The following LRP4 variants were observed in gnomAD, a reference collection of about 807,000 sequenced individuals.
LRP4 encodes the protein LDL receptor related protein 4.
In LRP4, 95 loss-of-function variants were observed where a neutral mutation model predicts 220.3. The observed-to-expected ratio is 0.43, with a 90% CI of 0.37 to 0.51. The LOEUF (loss-of-function observed/expected upper bound fraction) is 0.51. Ranked by LOEUF, LRP4 falls within the 20% of genes least tolerant of loss-of-function variation. The pLI, the probability that LRP4 is intolerant of heterozygous loss-of-function variation, is 0.00. For synonymous variants in LRP4, 903 were observed against 954.6 expected (o/e 0.95, Z 1.00); for missense variants, 1,925 against 2,567.0 (o/e 0.75, Z 5.40).
intron 7 of LRP4, among the ~76,000 whole-genome samples, 158 bp from the exon 8 acceptor site, chr11:46,897,152 T>A (rs1044789519): frequency 1.3e-5 from 2 of 152,174 alleles, no homozygotes; most frequent in African/African-American, 4.8e-5. Flanking sequence ...GAAAAAAGTA[T>A]CCTTTCCTCA....
chr11:46,908,655 T>C (rs1474606871), intron 1 of LRP4, among the ~76,000 whole-genome samples: 2 of 152,266 alleles, frequency 1.3e-5, no homozygotes, highest in African/African-American at 4.8e-5. Flanking sequence ...AAATATGCAG[T>C]GAGTTTATGG....
At chr11:46,881,597 T>C (rs2134814938) in intron 20 of LRP4, 105 bp downstream of exon 20, 2 of 1,091,394 alleles carry the variant, frequency 1.8e-6, no homozygotes, top group East Asian at 2.4e-5. Flanking sequence ...CAGATCCCCT[T>C]ATCTCCAATC....
At chr11:46,889,813 C>T in intron 15 of LRP4, 131 bp downstream of exon 15, 1 of 1,046,254 alleles carries the variant, frequency 9.6e-7, no homozygotes. Flanking sequence ...GGAATTAGCC[C>T]ATGTCAGTGC....
rs781229816 is a variant in LRP4 at position 46,881,798 on chromosome 11, A to G, written c.2718T>C (p.Asn906=). 1 of 1,614,042 alleles carries G rather than the reference A, an allele frequency of 6.2e-7. No homozygotes were observed. The highest frequency in any genetic ancestry group is 2.2e-5 in the East Asian group (1 of 44,838). ...GGGACCCATAATCAATAGCTAACCC[A>G]TTAGGCCAGGTCAGATTAGAAGAGA... ...VIISSNLTWP[N]GLAIDYGSQR... Residue 906 remains asparagine, a synonymous_variant, in exon 20 of 38, where the codon AAT becomes AAC. Coordinates refer to ENST00000378623, the MANE Select transcript of LRP4 (RefSeq NM_002334.4).
intron 36 of LRP4, among the ~76,000 whole-genome samples, chr11:46,863,620 A>G (rs907404884): frequency 6.7e-6 from 1 of 148,812 alleles, no homozygotes; most frequent in African/African-American, 2.5e-5. Context: ...TTAGCTGGGC[A>G]TGGTGGTGCA....
rs111918430 is a variant in LRP4, at chr11:46,898,257, G to C, written c.796+301C>G. 0.052 allele frequency among the ~76,000 whole-genome samples: 7,865 copies of C among 152,282 alleles called. 679 individuals are homozygous for C. The highest frequency in any genetic ancestry group is 0.18 in the African/African-American group (7,428 of 41,544). ...CTCTGCTACAGGGACGCCGTCTCGG[G>C]TCACTGCAACCTCTGCCTCCTAGGT... On this transcript the variant is annotated intron_variant, in intron 7 of 37. Transcript: ENST00000378623.
rs2306028 is a variant in LRP4, at chr11:46,879,108, G to C, written c.3004+18C>G. The stretch of plus-strand genomic sequence containing the variant: ...AGGAGGGCCACGGAGAAGCCAATGC[G>C]AGCCAAGGGCTGCTCACCTGGGGGC... On this transcript the variant is annotated intron_variant, in intron 21 of 37. Transcript: ENST00000378623. 2 of 1,614,124 alleles carry C rather than the reference G, an allele frequency of 1.2e-6. No homozygotes were observed. The highest frequency in any genetic ancestry group is 4.5e-5 in the East Asian group (2 of 44,886).
intron 25 of LRP4, 87 bp from the exon 26 acceptor site, chr11:46,876,053 C>T: frequency 6.9e-7 from 1 of 1,448,696 alleles, no homozygotes; most frequent in Non-Finnish European, 9.6e-7. Context: ...GTCAGATACA[C>T]TTGAGTACTT....
chr11:46,906,227 G>A (rs568593906), intron 1 of LRP4, among the ~76,000 whole-genome samples: 6 of 152,270 alleles, frequency 3.9e-5, no homozygotes, highest in Middle Eastern at 6.8e-3. Context: ...AGGCTGAGGC[G>A]GGCAGATCAC....
Position 46,895,203 on chromosome 11 carries a change from A to G in LRP4, c.1272T>C (p.Tyr424=). Residue 424 remains tyrosine (Y), a synonymous_variant, in exon 11 of 38, where the codon TAT becomes TAC. Coordinates refer to ENST00000378623, the MANE Select transcript of LRP4 (RefSeq NM_002334.4). ...GAFQCWCETG[Y]ELRPDRRSCK... ...AGCTGCGCCGGTCGGGCCGTAGTTC[A>G]TAGCCTGTTTCACACCAGCATTGGA... 4 of 1,614,102 alleles carry G rather than the reference A, an allele frequency of 2.5e-6. No homozygotes were observed. Among genetic ancestry groups the G allele is most frequent in the Admixed American group, 1.7e-5 (1 of 60,020 alleles).
Position 46,869,057 on chromosome 11 carries a change from T to C in LRP4, c.4768A>G (p.Lys1590Glu). 1 of 1,614,180 alleles carries C rather than the reference T, an allele frequency of 6.2e-7. No individual in the cohort carries two copies. Among genetic ancestry groups the C allele is most frequent in the Non-Finnish European group, 8.5e-7 (1 of 1,180,040 alleles). ...QRVDKYSGRN[K>E]ETVLANVEGL... ...TCCACATTTGCCAGCACTGTCTCCTTGTTCCGGCCTGAGTATTTGTCAACA... is the reference window on the plus strand; with the variant it reads ...TCCACATTTGCCAGCACTGTCTCCTCGTTCCGGCCTGAGTATTTGTCAACA... The change falls in exon 32 of 38, where the codon AAG becomes GAG. Residue 1590 changes from lysine (K) to glutamate (E), a missense_variant. Around this residue, in one of 3 missense-constraint regions of LRP4, gnomAD observed 1,244 missense variants for 1,624.9 expected, o/e 0.77. Transcript: ENST00000378623.
chr11:46,872,163 C>T (rs946024671), intron 30 of LRP4, among the ~76,000 whole-genome samples: 1 of 151,986 alleles, frequency 6.6e-6, no homozygotes, highest in Non-Finnish European at 1.5e-5. Flanking sequence ...GGCTGCGGCA[C>T]GAGAATGGCT....
At position 46,890,216 on chromosome 11, in the gene LRP4, T is replaced by G. The variant is rs1479334072; in HGVS notation, c.1915+61A>C. Reference sequence around the variant, plus strand: ...TACACAAAACCTCTACCAAGGCTCCTGGGGGGCAGGGACGGGGGCAGGAGG... The same window carrying G: ...TACACAAAACCTCTACCAAGGCTCCGGGGGGGCAGGGACGGGGGCAGGAGG... On this transcript the variant is annotated intron_variant, in intron 14 of 37. Coordinates refer to ENST00000378623, the MANE Select transcript of LRP4 (RefSeq NM_002334.4). The surrounding 1 kb of genome is among the most constrained non-coding windows in gnomAD (Gnocchi z 5.3). 1 of 1,606,726 alleles carries G rather than the reference T, an allele frequency of 6.2e-7. No homozygotes were observed. The highest frequency in any genetic ancestry group is 8.5e-7 in the Non-Finnish European group (1 of 1,173,850).
chr11:46,911,806 C>G (rs1941863392), intron 1 of LRP4, among the ~76,000 whole-genome samples: 1 of 149,526 alleles, frequency 6.7e-6, no homozygotes, highest in African/African-American at 2.5e-5. Context: ...GGAAACTGCT[C>G]TGAGCCTGTT....
intron 9 of LRP4, 43 bp from the exon 10 acceptor site, chr11:46,896,061 T>C (rs1565797384): frequency 1.9e-6 from 3 of 1,613,450 alleles, no homozygotes; most frequent in Non-Finnish European, 2.5e-6. Flanking sequence ...CCCAGAATCC[T>C]CCCCCAGAGA....
chr11:46,869,508 C>T (rs1940802691), intron 31 of LRP4, among the ~76,000 whole-genome samples: 1 of 152,212 alleles, frequency 6.6e-6, no homozygotes, highest in African/African-American at 2.4e-5. Flanking sequence ...GAATGACTCC[C>T]TCTCTAGCAA....
At chr11:46,862,886 A>C (rs1940595339) in intron 36 of LRP4, 139 bp from the exon 37 acceptor site, 4 of 739,904 alleles carry the variant, frequency 5.4e-6, no homozygotes, top group Non-Finnish European at 9.6e-6. Context: ...GCCCTTAAGA[A>C]TCCCCTCCCC....
At chr11:46,881,220 T>C (rs1267433099) in intron 20 of LRP4, among the ~76,000 whole-genome samples, 2 of 152,176 alleles carry the variant, frequency 1.3e-5, no homozygotes, top group Non-Finnish European at 2.9e-5. Flanking sequence ...TCCACTCTAA[T>C]TTCAGACAGT....
Position 46,859,022 on chromosome 11 carries a change from C to G in LRP4, c.5679G>C (p.Trp1893Cys), listed in dbSNP as rs1940458957. The stretch of plus-strand genomic sequence containing the variant: ...CTGAGGAGAGCTTGCGTTCATGTTT[C>G]CAGCCCGTGTCTGGCAGAGAGCCTC... ...ERRGSLPDTG[W>C]KHERKLSSES... The change falls in exon 38 of 38, where the codon TGG becomes TGC. Residue 1893 changes from tryptophan (W) to cysteine (C), a missense_variant. Transcript: ENST00000378623. 1 of 1,614,156 alleles carries G rather than the reference C, an allele frequency of 6.2e-7. No homozygotes were observed. Among genetic ancestry groups the G allele is most frequent in the African/African-American group, 1.3e-5 (1 of 75,030 alleles).
Sources: allele counts gnomAD v4.1 joint callset (sites outside exome capture counted in the v4.1 genomes callset), GRCh38; gene constraint gnomAD v4.1.1; regional missense constraint gnomAD v4.1.1; non-coding constraint Gnocchi (gnomAD v3.1); transcripts MANE v1.5; gene names NCBI Gene and HGNC (gene_info 2026-07-23, HGNC 2026-07-21).